EYS: variants seen among roughly 807,000 people sequenced by gnomAD.
EYS encodes the protein EGF-like photoreceptor maintenance factor.
EYS carries 250 observed loss-of-function variants against 282.1 expected under a neutral mutation model. The ratio of observed to expected loss-of-function variants is 0.89; its 90% CI spans 0.80 to 0.98. The LOEUF (loss-of-function observed/expected upper bound fraction) is 0.98. Ranked by LOEUF, EYS falls within the 50% of genes least tolerant of loss-of-function variation. The probability of loss-of-function intolerance (pLI) is 0.00; values close to 1 mark genes in which losing one functional copy is unlikely to be tolerated. For missense variants in EYS, 4,016 were observed against 3,709.0 expected (o/e 1.08, Z -2.15); for synonymous variants, 1,355 against 1,282.9 (o/e 1.06, Z -1.20).
intron 2 of EYS, among the ~76,000 whole-genome samples, chr6:65,513,865 C>T (rs974390259): frequency 5.3e-5 from 8 of 152,312 alleles, no homozygotes; most frequent in Non-Finnish European, 8.8e-5. Context: ...GAAGCATTCC[C>T]TTTGAAAACT....
chr6:65,499,237 C>A (rs762825316), intron 2 of EYS, among the ~76,000 whole-genome samples: 5 of 151,908 alleles, frequency 3.3e-5, no homozygotes, highest in Non-Finnish European at 5.9e-5. Flanking sequence ...TCTTAAATTA[C>A]ATCTTTTAAA....
intron 14 of EYS, among the ~76,000 whole-genome samples, chr6:64,975,466 A>AT (rs1160771143): frequency 6.6e-6 from 1 of 151,720 alleles, no homozygotes; most frequent in African/African-American, 2.4e-5. Context: ...TTTTTCCCTT[A>AT]TTTTTTTAAA....
chr6:64,843,199 G>C (rs1282092929), intron 19 of EYS, among the ~76,000 whole-genome samples: 1 of 152,170 alleles, frequency 6.6e-6, no homozygotes, highest in Non-Finnish European at 1.5e-5. Flanking sequence ...CCCTCAGAGA[G>C]AACCTCTGCT....
At chr6:64,364,948 G>T (rs768082965) in intron 29 of EYS, among the ~76,000 whole-genome samples, 1 of 151,660 alleles carries the variant, frequency 6.6e-6, no homozygotes, top group Non-Finnish European at 1.5e-5. Flanking sequence ...TATTTTTAAT[G>T]GAATTTTTAT....
At chr6:64,696,504 A>G (rs967299129) in intron 22 of EYS, among the ~76,000 whole-genome samples, 1 of 152,108 alleles carries the variant, frequency 6.6e-6, no homozygotes, top group Non-Finnish European at 1.5e-5. Flanking sequence ...GTCCCCCAAA[A>G]TTCCAGCAAA....
chr6:64,936,022 A>T (rs1274428481), intron 15 of EYS, among the ~76,000 whole-genome samples: 1 of 151,590 alleles, frequency 6.6e-6, no homozygotes, highest in Non-Finnish European at 1.5e-5. Context: ...TGCCTTAGGA[A>T]TACAGACCCC....
chr6:64,722,413 G>C (rs1332001423), intron 22 of EYS, among the ~76,000 whole-genome samples: 1 of 151,610 alleles, frequency 6.6e-6, no homozygotes, highest in African/African-American at 2.4e-5. Flanking sequence ...AGTAGTGTTA[G>C]CAGACTTGAT....
rs543247147 is a variant in EYS at position 63,975,457 on chromosome 6, A to G, written c.7055+8926T>C. ...GGATGTTCTAGAAAAAAAGAAAAACAGAAAACAATTACCAGAATGTTTTGT... is the reference window on the plus strand; with the variant it reads ...GGATGTTCTAGAAAAAAAGAAAAACGGAAAACAATTACCAGAATGTTTTGT... On this transcript the variant is annotated intron_variant, in intron 35 of 42. Coordinates refer to ENST00000503581, the MANE Select transcript of EYS (RefSeq NM_001142800.2). Among the ~76,000 whole-genome samples the G allele has an allele frequency of 2.0e-5, 3 of 152,212 alleles. No homozygotes were observed. In the East Asian group the frequency reaches 5.8e-4, roughly 29 times the overall value.
At chr6:65,661,370 A>T (rs867268386) in intron 1 of EYS, among the ~76,000 whole-genome samples, 33 of 152,106 alleles carry the variant, frequency 2.2e-4, no homozygotes, top group African/African-American at 7.5e-4. Flanking sequence ...CCATTATTAT[A>T]CATATCTTGA....
At chr6:64,689,564 T>C (rs1347797654) in intron 22 of EYS, among the ~76,000 whole-genome samples, 1 of 152,108 alleles carries the variant, frequency 6.6e-6, no homozygotes, top group African/African-American at 2.4e-5. Flanking sequence ...TCACACTACC[T>C]GACTTCACAC....
intron 14 of EYS, among the ~76,000 whole-genome samples, chr6:64,967,328 AT>A (rs573625686): frequency 0.016 from 2,254 of 142,912 alleles, 49 homozygotes; most frequent in African/African-American, 0.047. Flanking sequence ...TCAAAACTCC[AT>A]TTTTTTTTTT....
intron 35 of EYS, among the ~76,000 whole-genome samples, chr6:63,963,022 C>T (rs1479891320): frequency 6.6e-6 from 1 of 151,352 alleles, no homozygotes; most frequent in Non-Finnish European, 1.5e-5. Flanking sequence ...AAAAACCAAA[C>T]ACCGCATGTT....
chr6:64,186,889 C>T (rs1191453958), intron 31 of EYS, among the ~76,000 whole-genome samples: 1 of 152,184 alleles, frequency 6.6e-6, no homozygotes, highest in African/African-American at 2.4e-5. Context: ...TAAGCGACCG[C>T]TTTCCATACA....
intron 2 of EYS, among the ~76,000 whole-genome samples, chr6:65,532,486 C>T (rs1582422885): frequency 1.3e-5 from 2 of 152,096 alleles, no homozygotes; most frequent in Admixed American, 6.6e-5. Flanking sequence ...TAGATCAAAA[C>T]ATTATTACAG....
At chr6:65,293,249 G>A (rs771146841) in intron 12 of EYS, among the ~76,000 whole-genome samples, 2 of 134,788 alleles carry the variant, frequency 1.5e-5, no homozygotes, top group Non-Finnish European at 3.1e-5. Flanking sequence ...AAGGATGAGG[G>A]AAGAATATTA....
intron 2 of EYS, among the ~76,000 whole-genome samples, chr6:65,505,842 GTC>G (rs1204636574): frequency 1.3e-5 from 2 of 152,090 alleles, no homozygotes; most frequent in Non-Finnish European, 2.9e-5. Context: ...GTTCTACACA[GTC>G]TCAAAAGAAT....
At chr6:64,965,786 C>T (rs2064702) in intron 14 of EYS, among the ~76,000 whole-genome samples, 77,735 of 151,974 alleles carry the variant, frequency 0.51, 21,378 homozygotes, top group African/African-American at 0.73. Flanking sequence ...TATTAAGATA[C>T]AGCTACCTAC....
chr6:65,580,184 A>T (rs1178836988), intron 2 of EYS, among the ~76,000 whole-genome samples: 1 of 152,188 alleles, frequency 6.6e-6, no homozygotes, highest in Non-Finnish European at 1.5e-5. Context: ...TATTATTCAA[A>T]ATCAACAAGT....
intron 29 of EYS, among the ~76,000 whole-genome samples, chr6:64,325,992 A>C (rs1356523495): frequency 6.6e-6 from 1 of 152,222 alleles, no homozygotes; most frequent in Non-Finnish European, 1.5e-5. Flanking sequence ...TTGGGGGAAT[A>C]ATTAAGGAAA....
Sources: allele counts gnomAD v4.1 joint callset (sites outside exome capture counted in the v4.1 genomes callset), GRCh38; gene constraint gnomAD v4.1.1; transcripts MANE v1.5; gene names NCBI Gene and HGNC (gene_info 2026-07-23, HGNC 2026-07-21).